The following FGD4 variants were observed in gnomAD, a reference collection of about 807,000 sequenced individuals.
FGD4 encodes the protein FYVE, RhoGEF and PH domain containing 4, also known as FYVE, RhoGEF and PH domain-containing protein 4.
A neutral mutation model predicts 102.0 loss-of-function variants in FGD4; 42 were observed. The observed-to-expected ratio is 0.41, with a 90% confidence interval of 0.32 to 0.53. FGD4 has a LOEUF of 0.53. Among genes scored for constraint, FGD4 ranks in the 20% least tolerant of loss-of-function variants. The pLI is 0.21. For missense variants in FGD4, 902 were observed against 1,078.2 expected (o/e 0.84, Z 2.29); for synonymous variants, 380 against 375.7 (o/e 1.01, Z -0.13).
chr12:32,598,900 A>G (rs904443148), intron 5 of FGD4, among the ~76,000 whole-genome samples: 1 of 152,222 alleles, frequency 6.6e-6, no homozygotes, highest in African/African-American at 2.4e-5. Context: ...TACCACTAAA[A>G]TCTAAATAAG....
chr12:32,433,731 G>T (rs1442420933), intron 1 of FGD4, among the ~76,000 whole-genome samples: 1 of 152,236 alleles, frequency 6.6e-6, no homozygotes, highest in Admixed American at 6.5e-5. Flanking sequence ...CCATATCACT[G>T]TTAATTGTTG....
intron 1 of FGD4, among the ~76,000 whole-genome samples, chr12:32,518,361 A>G (rs570289622): frequency 6.6e-6 from 1 of 152,226 alleles, no homozygotes; most frequent in South Asian, 2.1e-4. Flanking sequence ...GCCGGTAATC[A>G]CAGCTACTTG....
intron 14 of FGD4, among the ~76,000 whole-genome samples, chr12:32,630,183 TCTTA>T (rs1304276619): frequency 6.6e-6 from 1 of 152,238 alleles, no homozygotes; most frequent in Non-Finnish European, 1.5e-5. Flanking sequence ...TGGAAAATTC[TCTTA>T]CTTTAACGTA....
At chr12:32,421,928 C>A (rs919494361) in intron 1 of FGD4, among the ~76,000 whole-genome samples, 1 of 151,928 alleles carries the variant, frequency 6.6e-6, no homozygotes, top group Non-Finnish European at 1.5e-5. Context: ...ATCATGAGGT[C>A]AGGAGATCGA....
At chr12:32,527,251 C>A (rs1176609477) in intron 1 of FGD4, among the ~76,000 whole-genome samples, 1 of 152,112 alleles carries the variant, frequency 6.6e-6, no homozygotes, top group Non-Finnish European at 1.5e-5. Flanking sequence ...TGGGATATTA[C>A]GCAGTGTTTA....
chr12:32,454,490 TTTG>T (rs538092375), intron 1 of FGD4, among the ~76,000 whole-genome samples: 3 of 152,116 alleles, frequency 2.0e-5, no homozygotes, highest in Non-Finnish European at 4.4e-5. Flanking sequence ...TTAAAAACTT[TTTG>T]TTGTTGTTGT....
At chr12:32,417,333 T>G (rs899983047) in intron 1 of FGD4, among the ~76,000 whole-genome samples, 1 of 152,182 alleles carries the variant, frequency 6.6e-6, no homozygotes, top group African/African-American at 2.4e-5. Flanking sequence ...TTTTGCTGGA[T>G]ACACTATTCT....
chr12:32,549,082 G>GT (rs1228455318), intron 1 of FGD4, among the ~76,000 whole-genome samples: 1 of 152,214 alleles, frequency 6.6e-6, no homozygotes, highest in Non-Finnish European at 1.5e-5. Flanking sequence ...TGGTGAAAAG[G>GT]TTTTCCAGAC....
At chr12:32,400,106 C>T in intron 1 of FGD4, 147 bp downstream of exon 1, 3 of 1,168,608 alleles carry the variant, frequency 2.6e-6, no homozygotes, top group Non-Finnish European at 3.4e-6. Flanking sequence ...CTGCGCTCGG[C>T]CACCCACTCC....
intron 5 of FGD4, among the ~76,000 whole-genome samples, chr12:32,600,061 T>A (rs1037728467): frequency 1.3e-5 from 2 of 152,186 alleles, no homozygotes; most frequent in African/African-American, 4.8e-5. Context: ...ACTTGCCTGC[T>A]AGGGTGAGCC....
intron 1 of FGD4, among the ~76,000 whole-genome samples, chr12:32,407,806 C>T (rs577889543): frequency 6.6e-6 from 1 of 152,032 alleles, no homozygotes; most frequent in African/African-American, 2.4e-5. Flanking sequence ...TCACTTCAGA[C>T]TTGGTTTATA....
intron 14 of FGD4, among the ~76,000 whole-genome samples, chr12:32,626,167 G>A (rs1443931285): frequency 6.6e-6 from 1 of 152,200 alleles, no homozygotes; most frequent in African/African-American, 2.4e-5. Context: ...GAAAGGGGCT[G>A]GGCGCAGTGG....
intron 12 of FGD4, 177 bp from the exon 13 acceptor site, chr12:32,624,799 C>G: frequency 1.5e-6 from 1 of 653,286 alleles, no homozygotes; most frequent in Non-Finnish European, 2.7e-6. Context: ...TTTTTAGTAA[C>G]ATCTCTGTGT....
At chr12:32,447,150 A>G (rs1311065372) in intron 1 of FGD4, among the ~76,000 whole-genome samples, 1 of 152,214 alleles carries the variant, frequency 6.6e-6, no homozygotes, top group African/African-American at 2.4e-5. Flanking sequence ...CATGTCTCCT[A>G]GCTCATCCAG....
chr12:32,530,669 A>G (rs891788978), intron 1 of FGD4, among the ~76,000 whole-genome samples: 2 of 152,164 alleles, frequency 1.3e-5, no homozygotes, highest in African/African-American at 4.8e-5. Flanking sequence ...GGTGTTTTTC[A>G]AGACTGATAT....
Position 32,552,328 on chromosome 12 carries a change from C to T in FGD4, c.167-11809C>T, listed in dbSNP as rs188203426. Among the ~76,000 whole-genome samples the T allele has an allele frequency of 5.9e-4, 90 of 152,092 alleles. No individual in the cohort carries two copies. In the East Asian group the frequency reaches 0.013, roughly 23 times the overall value. On this transcript the variant is annotated intron_variant, in intron 1 of 16. Coordinates refer to ENST00000534526, the MANE Select transcript of FGD4 (RefSeq NM_001370298.3). The stretch of plus-strand genomic sequence containing the variant: ...AGGCTGGAGTGCAGTGGCTCAATCT[C>T]GGCTCACTGCAACCTCCACCTCCTA...
chr12:32,473,206 A>C (rs973654740), intron 1 of FGD4, among the ~76,000 whole-genome samples: 1 of 152,016 alleles, frequency 6.6e-6, no homozygotes, highest in African/African-American at 2.4e-5. Flanking sequence ...GGGGCCAGAT[A>C]AGAGAATAAA....
intron 1 of FGD4, among the ~76,000 whole-genome samples, chr12:32,563,380 T>C (rs1388685778): frequency 1.5e-5 from 2 of 131,326 alleles, no homozygotes; most frequent in South Asian, 2.4e-4. Context: ...GGGGCAGAGG[T>C]GCTCCCCACA....
intron 6 of FGD4, 100 bp downstream of exon 6, chr12:32,601,523 CA>C (rs2136651589): frequency 7.2e-7 from 1 of 1,380,148 alleles, no homozygotes; most frequent in Non-Finnish European, 9.7e-7. Context: ...TGTAACTAGA[CA>C]TTTATGCTAA....
Sources: gnomAD v4.1 joint callset for allele counts (sites outside exome capture counted in the v4.1 genomes callset) on GRCh38, gnomAD v4.1.1 for gene constraint, MANE v1.5 for transcripts, NCBI Gene and HGNC (gene_info 2026-07-23, HGNC 2026-07-21) for gene names.